CLEC16A: variants seen among roughly 807,000 people sequenced by gnomAD.
CLEC16A encodes C-type lectin domain containing 16A.
Under a neutral mutation model 109.5 loss-of-function variants are expected in CLEC16A, and 51 were observed. That is an observed-to-expected ratio of 0.47 (90% CI 0.37 to 0.59). The LOEUF is 0.59. Among genes scored for constraint, CLEC16A ranks in the 20% least tolerant of loss-of-function variants. The pLI, the probability that CLEC16A is intolerant of heterozygous loss-of-function variation, is 0.00. For synonymous variants in CLEC16A, 673 were observed against 564.2 expected, an observed-to-expected ratio of 1.19 and a Z score of -2.73; for missense variants, 1,339 against 1,394.0, an observed-to-expected ratio of 0.96 and a Z score of 0.63.
At chr16:11,026,935 A>C in intron 13 of CLEC16A, 3 of 1,102,780 alleles carry the variant, frequency 2.7e-6, no homozygotes, top group Non-Finnish European at 4.1e-6. Context: ...GAGCTAGAAC[A>C]GACGTCTCTA....
chr16:11,114,667 C>A (rs558374679), intron 19 of CLEC16A, among the ~76,000 whole-genome samples: 1 of 152,232 alleles, frequency 6.6e-6, no homozygotes, highest in South Asian at 2.1e-4. Flanking sequence ...CATGGCAGTC[C>A]CAAGGTGACT....
intron 10 of CLEC16A, among the ~76,000 whole-genome samples, chr16:11,000,643 T>A (rs1341434466): frequency 6.6e-6 from 1 of 152,160 alleles, no homozygotes; most frequent in East Asian, 1.9e-4. Context: ...CTGGGGGCCC[T>A]CGGTTATTGG....
At chr16:11,052,331 A>C (rs1374974192) in intron 18 of CLEC16A, among the ~76,000 whole-genome samples, 1 of 152,154 alleles carries the variant, frequency 6.6e-6, no homozygotes, top group Non-Finnish European at 1.5e-5. Context: ...GTTCAGAGGA[A>C]TTCATTGCAC....
chr16:10,978,104 G>C lies in CLEC16A; in HGVS notation c.903+705G>C, dbSNP rs76032190. Among the ~76,000 whole-genome samples the C allele has an allele frequency of 5.1e-3, 781 of 152,318 alleles. 1 individual carries two copies. Among genetic ancestry groups the C allele is most frequent in the Middle Eastern group, 0.01 (3 of 294 alleles). On this transcript the variant is annotated intron_variant, in intron 8 of 23. Coordinates refer to ENST00000409790, the MANE Select transcript of CLEC16A (RefSeq NM_015226.3). ...AGAACTTGCGCAGCATGGAGGGAAG[G>C]GATGGAGCACACTCAGGGAACGGTC...
At chr16:10,970,537 G>T (rs778872683) in intron 4 of CLEC16A, among the ~76,000 whole-genome samples, 1 of 152,182 alleles carries the variant, frequency 6.6e-6, no homozygotes, top group Non-Finnish European at 1.5e-5. Context: ...ATGAACCCAG[G>T]TCTGACATTA....
At chr16:11,121,879 C>CAAAAA (rs536067685) in intron 20 of CLEC16A, among the ~76,000 whole-genome samples, 2 of 29,824 alleles carry the variant, frequency 6.7e-5, no homozygotes, top group Non-Finnish European at 1.2e-4. Flanking sequence ...GACCCTGTCT[C>CAAAAA]AAAAAAAAAA....
At chr16:11,062,833 A>C (rs968724537) in intron 19 of CLEC16A, among the ~76,000 whole-genome samples, 1 of 151,734 alleles carries the variant, frequency 6.6e-6, no homozygotes, top group Non-Finnish European at 1.5e-5. Flanking sequence ...AGTTGGCTGC[A>C]AAGAATCATA....
intron 19 of CLEC16A, among the ~76,000 whole-genome samples, chr16:11,084,552 C>T (rs1371550827): frequency 6.6e-6 from 1 of 152,174 alleles, no homozygotes; most frequent in Non-Finnish European, 1.5e-5. Flanking sequence ...TAGAGGAAGC[C>T]TGTAAACCTC....
At position 10,948,338 on chromosome 16, in the gene CLEC16A, C is replaced by G. The variant is rs1221010189; in HGVS notation, c.80+3541C>G. On this transcript the variant is annotated intron_variant, in intron 1 of 23. Transcript: ENST00000409790. ...AAGGAATTTTCCTGTTAGGGTTTTA[C>G]TTTTGCTAAATGGTAGAAAACTTCA... Among the ~76,000 whole-genome samples, 4 of 152,320 alleles carry G rather than the reference C, an allele frequency of 2.6e-5. No homozygotes were observed. In the East Asian group the frequency reaches 7.7e-4, roughly 29 times the overall value.
Position 11,091,854 on chromosome 16 carries a change from G to A in CLEC16A, c.2117-28761G>A, listed in dbSNP as rs563195994. 1.6e-4 allele frequency among the ~76,000 whole-genome samples: 24 copies of A among 152,118 alleles called. 2 individuals carry two copies. Among genetic ancestry groups the A allele is most frequent in the Admixed American group, 7.2e-4 (11 of 15,278 alleles). ...GAACTTGATGCCTGAGCTCCCCCTC[G>A]TAAGTTACCCCACTTTTCTTTGCAG... On this transcript the variant is annotated intron_variant, in intron 19 of 23. Transcript: ENST00000409790.
chr16:11,164,978 A>G (rs41371), intron 22 of CLEC16A, among the ~76,000 whole-genome samples: 114,998 of 151,996 alleles, frequency 0.76, 44,743 homozygotes, highest in African/African-American at 0.93. Context: ...GGAAGGCTGC[A>G]GGAGTGACCA....
intron 1 of CLEC16A, among the ~76,000 whole-genome samples, chr16:10,955,636 T>G (rs1373248557): frequency 1.3e-5 from 2 of 152,162 alleles, no homozygotes; most frequent in African/African-American, 2.4e-5. Context: ...AATTTAAAAT[T>G]TCTTCTTCTT....
At chr16:11,157,584 G>C (rs1041199873) in intron 22 of CLEC16A, among the ~76,000 whole-genome samples, 4 of 152,210 alleles carry the variant, frequency 2.6e-5, no homozygotes, top group Non-Finnish European at 4.4e-5. Context: ...GCCCCCCAAG[G>C]CTCCTGCAGG....
chr16:11,090,298 T>C (rs941061756), intron 19 of CLEC16A, among the ~76,000 whole-genome samples: 1 of 152,134 alleles, frequency 6.6e-6, no homozygotes, highest in Non-Finnish European at 1.5e-5. Context: ...TCAAGTGTGG[T>C]CAGAATTTCA....
Position 11,060,904 on chromosome 16 carries a change from C to T in CLEC16A, c.1998C>T (p.Ala666=), listed in dbSNP as rs201196053. Residue 666 remains alanine, a splice_region_variant and synonymous_variant, in exon 19 of 24, where the codon GCC becomes GCT. Coordinates refer to ENST00000409790, the MANE Select transcript of CLEC16A (RefSeq NM_015226.3). ...TGCTCTCTGAACTGTTGGTCCAGGC[C>T]ATCCGGGTGTTCTTCATGCTGCGTT... ...PCGDVEKTRR[A]IRVFFMLRSL... The T allele has an allele frequency of 1.0e-4, 168 of 1,608,886 alleles. No homozygotes were observed. Among genetic ancestry groups the T allele is most frequent in the Non-Finnish European group, 1.4e-4 (167 of 1,177,578 alleles).
chr16:11,057,115 G>A (rs1300219921), intron 18 of CLEC16A: 1 of 155,832 alleles, frequency 6.4e-6, no homozygotes, highest in Non-Finnish European at 1.5e-5. Context: ...GGTTCAAAGG[G>A]TATGAATGTG....
intron 20 of CLEC16A, among the ~76,000 whole-genome samples, chr16:11,123,277 G>A (rs531378915): frequency 1.1e-4 from 16 of 152,294 alleles, no homozygotes; most frequent in Admixed American, 2.6e-4. Flanking sequence ...GGTTGCCAAC[G>A]ATGTCCCCTT....
intron 23 of CLEC16A, among the ~76,000 whole-genome samples, chr16:11,173,773 C>G (rs1407415636): frequency 6.6e-6 from 1 of 152,156 alleles, no homozygotes; most frequent in East Asian, 1.9e-4. Flanking sequence ...TGGGCCATGT[C>G]TAAAACTGAC....
chr16:11,034,612 G>A (rs1340970760), intron 13 of CLEC16A, among the ~76,000 whole-genome samples: 2 of 152,112 alleles, frequency 1.3e-5, no homozygotes, highest in African/African-American at 2.4e-5. Context: ...GGGGACACCC[G>A]TTCTGAGTCG....
Sources: gnomAD v4.1 joint callset for allele counts (sites outside exome capture counted in the v4.1 genomes callset) on GRCh38, gnomAD v4.1.1 for gene constraint, MANE v1.5 for transcripts, NCBI Gene and HGNC (gene_info 2026-07-23, HGNC 2026-07-21) for gene names.